MAGI2: variants seen among roughly 807,000 people sequenced by gnomAD.
MAGI2 encodes membrane-associated guanylate kinase, WW and PDZ domain-containing protein 2.
Under a neutral mutation model 133.3 loss-of-function variants are expected in MAGI2, and 35 were observed. That is an observed-to-expected ratio of 0.26 (90% CI 0.20 to 0.35). The LOEUF (loss-of-function observed/expected upper bound fraction) is 0.35, where lower values mean the gene tolerates loss of function less well. Among genes scored for constraint, MAGI2 ranks in the 10% least tolerant of loss-of-function variants. The pLI, the probability that MAGI2 is intolerant of heterozygous loss-of-function variation, is 1.00. For synonymous variants in MAGI2, 729 were observed against 710.6 expected (o/e 1.03, Z -0.41); for missense variants, 1,636 against 1,863.4 (o/e 0.88, Z 2.25).
intron 2 of MAGI2, among the ~76,000 whole-genome samples, chr7:78,716,186 G>A (rs1399585362): frequency 6.6e-6 from 1 of 152,184 alleles, no homozygotes. Context: ...CTGGTCTGCA[G>A]TTCTTTTCCC....
At chr7:78,832,048 T>G (rs533622563) in intron 2 of MAGI2, among the ~76,000 whole-genome samples, 1 of 152,126 alleles carries the variant, frequency 6.6e-6, no homozygotes, top group South Asian at 2.1e-4. Context: ...CCTTTTAAAA[T>G]GTTTTTCAGA....
chr7:79,054,252 C>T (rs190693857), intron 1 of MAGI2, among the ~76,000 whole-genome samples: 1 of 151,832 alleles, frequency 6.6e-6, no homozygotes, highest in East Asian at 1.9e-4. Context: ...GTAAGTTAAA[C>T]TGAGAAAAAA....
intron 1 of MAGI2, among the ~76,000 whole-genome samples, chr7:79,217,330 T>G (rs561631039): frequency 6.6e-6 from 1 of 152,140 alleles, no homozygotes; most frequent in Non-Finnish European, 1.5e-5. Context: ...ATACTCTAAA[T>G]TTTATACTTT....
At chr7:79,174,388 C>T (rs1042075842) in intron 1 of MAGI2, among the ~76,000 whole-genome samples, 5 of 151,676 alleles carry the variant, frequency 3.3e-5, no homozygotes. Context: ...GGGAAGAAAC[C>T]ACAAAGAAAA....
chr7:78,916,326 C>T (rs1027085610), intron 2 of MAGI2, among the ~76,000 whole-genome samples: 1 of 151,936 alleles, frequency 6.6e-6, no homozygotes, highest in African/African-American at 2.4e-5. Flanking sequence ...AGAACTCTAT[C>T]CCGATTGCTT....
chr7:78,349,987 T>C (rs1031717318), intron 7 of MAGI2: 1 of 152,220 alleles, frequency 6.6e-6, no homozygotes, highest in African/African-American at 2.4e-5. Flanking sequence ...GCTGGGAAGC[T>C]ACCAAGAGTT....
chr7:78,032,722 G>T (rs1809720490), intron 21 of MAGI2, among the ~76,000 whole-genome samples: 1 of 152,182 alleles, frequency 6.6e-6, no homozygotes, highest in Non-Finnish European at 1.5e-5. Context: ...GAGATAGAAA[G>T]TGGTGGGTGT....
chr7:79,317,211 A>C (rs1038220917), intron 1 of MAGI2, among the ~76,000 whole-genome samples: 5 of 151,704 alleles, frequency 3.3e-5, no homozygotes, highest in Non-Finnish European at 7.4e-5. Flanking sequence ...TTTAGTAGAG[A>C]CGGGTTTTCA....
chr7:78,976,062 G>A (rs1165563107), intron 2 of MAGI2, among the ~76,000 whole-genome samples: 1 of 151,484 alleles, frequency 6.6e-6, no homozygotes, highest in Non-Finnish European at 1.5e-5. Context: ...GTCCAGATTA[G>A]CACTTTCCTA....
Position 78,393,248 on chromosome 7 carries a change from C to T in MAGI2, c.1046-24035G>A, listed in dbSNP as rs183678231. ...TTCTCTGGAAACATAGGAACAAAGGCATGGACCTGTGGCCTAGGTTTGGGC... is the reference window on the plus strand; with the variant it reads ...TTCTCTGGAAACATAGGAACAAAGGTATGGACCTGTGGCCTAGGTTTGGGC... On this transcript the variant is annotated intron_variant, in intron 6 of 21. Coordinates refer to ENST00000354212, the MANE Select transcript of MAGI2 (RefSeq NM_012301.4). Among the ~76,000 whole-genome samples, 11 of 152,282 alleles carry T rather than the reference C, an allele frequency of 7.2e-5. No individual in the cohort carries two copies. In the East Asian group the frequency reaches 1.7e-3, roughly 24 times the overall value.
chr7:78,324,376 G>T (rs999163938), intron 9 of MAGI2, among the ~76,000 whole-genome samples: 1 of 152,232 alleles, frequency 6.6e-6, no homozygotes. Context: ...CAGTTTAGTC[G>T]TGTTGACTGT....
chr7:79,222,420 T>A (rs1830508885), intron 1 of MAGI2, among the ~76,000 whole-genome samples: 2 of 152,090 alleles, frequency 1.3e-5, no homozygotes, highest in Non-Finnish European at 2.9e-5. Context: ...AATCATCTAG[T>A]TGGATGGACC....
At chr7:78,897,296 G>T (rs1319856450) in intron 2 of MAGI2, among the ~76,000 whole-genome samples, 1 of 152,174 alleles carries the variant, frequency 6.6e-6, no homozygotes, top group Non-Finnish European at 1.5e-5. Flanking sequence ...CTCTCAGAAA[G>T]TCTGCAGGAT....
intron 1 of MAGI2, among the ~76,000 whole-genome samples, chr7:79,096,943 A>C (rs1320211577): frequency 6.6e-6 from 1 of 152,148 alleles, no homozygotes; most frequent in East Asian, 1.9e-4. Context: ...TTTTCTGTAA[A>C]TGTTATTCGT....
intron 9 of MAGI2, among the ~76,000 whole-genome samples, chr7:78,291,194 T>A (rs1417362611): frequency 1.3e-5 from 2 of 151,670 alleles, no homozygotes; most frequent in Admixed American, 1.3e-4. Flanking sequence ...GCAAGACTAA[T>A]AAAGAAGAAA....
intron 2 of MAGI2, among the ~76,000 whole-genome samples, chr7:78,768,083 T>C (rs79141813): frequency 8.9e-4 from 135 of 152,350 alleles, no homozygotes; most frequent in African/African-American, 3.0e-3. Context: ...GTGATTCTTT[T>C]ATATGTACAC....
At chr7:79,221,620 T>C (rs547061928) in intron 1 of MAGI2, among the ~76,000 whole-genome samples, 1 of 152,202 alleles carries the variant, frequency 6.6e-6, no homozygotes, top group African/African-American at 2.4e-5. Context: ...AAAATCATAC[T>C]GGGGAAGGCT....
intron 2 of MAGI2, among the ~76,000 whole-genome samples, chr7:78,637,170 C>A (rs1032776695): frequency 2.6e-5 from 4 of 152,164 alleles, no homozygotes; most frequent in African/African-American, 7.2e-5. Flanking sequence ...ACCGGATTCA[C>A]AGAAAATAAG....
At chr7:79,030,639 G>C (rs1562808623) in intron 1 of MAGI2, among the ~76,000 whole-genome samples, 1 of 152,148 alleles carries the variant, frequency 6.6e-6, no homozygotes, top group Non-Finnish European at 1.5e-5. Flanking sequence ...ACAAAAGAAG[G>C]TAACAGAAGA....
Sources: gnomAD v4.1 joint callset for allele counts (sites outside exome capture counted in the v4.1 genomes callset) on GRCh38, gnomAD v4.1.1 for gene constraint, MANE v1.5 for transcripts, NCBI Gene and HGNC (gene_info 2026-07-23, HGNC 2026-07-21) for gene names.